Variants in FAM114A2 observed in about 807,000 individuals in gnomAD.
The protein encoded by FAM114A2 is family with sequence similarity 114 member A2.
A neutral mutation model predicts 58.4 loss-of-function variants in FAM114A2; 53 were observed. That is an observed-to-expected ratio of 0.91 (90% CI 0.73 to 1.14). FAM114A2 has a LOEUF of 1.14. FAM114A2 is among the 50% of genes most tolerant of loss of function. The pLI, the probability that FAM114A2 is intolerant of heterozygous loss-of-function variation, is 0.00. For synonymous variants in FAM114A2, 228 were observed against 211.4 expected, an observed-to-expected ratio of 1.08 and a Z score of -0.68; for missense variants, 601 against 581.1, an observed-to-expected ratio of 1.03 and a Z score of -0.35.
chr5:154,011,101 G>A, intron 9 of FAM114A2, 140 bp downstream of exon 9: 2 of 625,538 alleles, frequency 3.2e-6, no homozygotes. Context: ...GCAAGTAGAT[G>A]CAGAACCCAA....
intron 11 of FAM114A2, among the ~76,000 whole-genome samples, chr5:154,001,425 G>A (rs1157895933): frequency 1.3e-5 from 2 of 152,142 alleles, no homozygotes; most frequent in African/African-American, 4.8e-5. Context: ...CTTTTCCGCA[G>A]AACAGGCTCC....
intron 12 of FAM114A2, among the ~76,000 whole-genome samples, chr5:153,996,605 A>C (rs532477658): frequency 3.3e-5 from 5 of 152,184 alleles, no homozygotes; most frequent in African/African-American, 1.2e-4. Flanking sequence ...AAGTAATAAT[A>C]AAAACACAAA....
At chr5:154,004,284 T>C (rs1420467726) in intron 9 of FAM114A2, among the ~76,000 whole-genome samples, 1 of 152,222 alleles carries the variant, frequency 6.6e-6, no homozygotes, top group African/African-American at 2.4e-5. Flanking sequence ...TGACCATTTC[T>C]CCTCAGTATC....
chr5:153,993,108 T>A lies in FAM114A2; in HGVS notation c.1386A>T (p.Ala462=). 2 of 1,605,416 alleles carry A rather than the reference T, an allele frequency of 1.2e-6. No homozygotes were observed. Among genetic ancestry groups the A allele is most frequent in the Non-Finnish European group, 8.5e-7 (1 of 1,176,138 alleles). ...CCTGGATGTAGGAGGCACTGTTTGA[T>A]GCCTGCCAGGATTGAAAAAACAAGA... is the stretch of plus-strand genomic sequence containing the variant. ...NPLITAVFLE[A]SNSASYIQDA... is the part of the protein sequence containing the mutation. The change falls in exon 14 of 14, where the codon GCA becomes GCT. Residue 462 remains alanine, a splice_region_variant and synonymous_variant. Coordinates refer to ENST00000351797, the MANE Select transcript of FAM114A2 (RefSeq NM_018691.4).
rs1772030944 is a variant in FAM114A2, at chr5:154,029,486, T to C, written c.495+3A>G. 3 of 1,558,526 alleles carry C rather than the reference T, an allele frequency of 1.9e-6. No homozygotes were observed. Among genetic ancestry groups the C allele is most frequent in the Non-Finnish European group, 2.7e-6 (3 of 1,130,796 alleles). On this transcript the variant is annotated splice_donor_region_variant and intron_variant, in intron 5 of 13. Transcript: ENST00000351797. ...ACAGACCACCTTGCACTTTTTTACTTACTGTGCTCTGAACAGCAGTAGAGA... is the reference window on the plus strand; with the variant it reads ...ACAGACCACCTTGCACTTTTTTACTCACTGTGCTCTGAACAGCAGTAGAGA...
chr5:154,025,945 A>G (rs1321914726), intron 8 of FAM114A2, among the ~76,000 whole-genome samples: 1 of 152,182 alleles, frequency 6.6e-6, no homozygotes, highest in Non-Finnish European at 1.5e-5. Flanking sequence ...AAAAAGACAA[A>G]CTATCACCCA....
rs1190296307 is a variant in FAM114A2 at position 153,991,536 on chromosome 5, A to C, written c.*1440T>G. 6.6e-6 allele frequency: 1 copy of C among 152,248 alleles called. No individual in the cohort carries two copies. The highest frequency in any genetic ancestry group is 6.5e-5 in the Admixed American group (1 of 15,286). 9.4% of individuals were successfully genotyped at this position (152,248 alleles called of 1,614,324 possible). On this transcript the variant is annotated 3_prime_UTR_variant, in exon 14 of 14. Transcript: ENST00000351797. Reference sequence around the variant, plus strand: ...TATTCAAAAACTTTCTGATCATATTAAGACAGAATATAGGCAGAGTAACAT... The same window carrying C: ...TATTCAAAAACTTTCTGATCATATTCAGACAGAATATAGGCAGAGTAACAT...
chr5:154,038,799 G>GC (rs1772792389), intron 1 of FAM114A2, 58 bp downstream of exon 1: 1 of 152,546 alleles, frequency 6.6e-6, no homozygotes, highest in Non-Finnish European at 1.5e-5. Context: ...GACTTCGGCT[G>GC]CCCGGGCCCT....
At chr5:154,013,555 G>GA (rs532850079) in intron 8 of FAM114A2, among the ~76,000 whole-genome samples, 81 of 152,170 alleles carry the variant, frequency 5.3e-4, no homozygotes, top group African/African-American at 1.6e-3. Context: ...ACAAGTAGGA[G>GA]AAAAAAATAT....
At chr5:153,999,506 C>A (rs796292365) in intron 11 of FAM114A2, among the ~76,000 whole-genome samples, 25 of 151,866 alleles carry the variant, frequency 1.6e-4, no homozygotes, top group African/African-American at 5.6e-4. Flanking sequence ...ATGGTGTGCA[C>A]GCTTGTAATC....
chr5:154,033,882 T>C lies in FAM114A2; in HGVS notation c.312A>G (p.Gly104=), dbSNP rs1351229646. 1 of 1,589,026 alleles carries C rather than the reference T, an allele frequency of 6.3e-7. No homozygotes were observed. Among genetic ancestry groups the C allele is most frequent in the African/African-American group, 1.3e-5 (1 of 74,122 alleles). ...TCTCGATGACATTTGAAATGCCTTG[T>C]CCTAATGAGAAAAATAACTTTTTTT... is the stretch of plus-strand genomic sequence containing the variant. ...SSASATVATV[G]QGISNVIEKA... is the part of the protein sequence containing the mutation. The change falls in exon 4 of 14, where the codon GGA becomes GGG. Residue 104 remains glycine (G), a splice_region_variant and synonymous_variant. Transcript: ENST00000351797.
intron 8 of FAM114A2, among the ~76,000 whole-genome samples, chr5:154,015,599 C>T (rs956086742): frequency 3.9e-5 from 6 of 152,104 alleles, no homozygotes; most frequent in African/African-American, 1.2e-4. Context: ...GGAAATACCC[C>T]ATGGGACAAA....
chr5:154,034,661 T>A, intron 2 of FAM114A2, 83 bp downstream of exon 2: 1 of 994,570 alleles, frequency 1.0e-6, no homozygotes, highest in Non-Finnish European at 1.6e-6. Flanking sequence ...AAATTGGTAT[T>A]TATGCCAAAT....
At chr5:153,995,162 T>G in intron 12 of FAM114A2, 190 bp from the exon 13 acceptor site, 1 of 549,748 alleles carries the variant, frequency 1.8e-6, no homozygotes, top group Non-Finnish European at 3.3e-6. Flanking sequence ...TTTCTTAATA[T>G]CTTTCTGTGC....
intron 8 of FAM114A2, among the ~76,000 whole-genome samples, chr5:154,017,212 G>A (rs995075615): frequency 7.2e-5 from 11 of 152,204 alleles, no homozygotes; most frequent in African/African-American, 1.2e-4. Context: ...GGAGGCCGAG[G>A]CAGGTGTATC....
At chr5:154,022,585 G>A (rs1380465060) in intron 8 of FAM114A2, among the ~76,000 whole-genome samples, 1 of 152,198 alleles carries the variant, frequency 6.6e-6, no homozygotes, top group Non-Finnish European at 1.5e-5. Flanking sequence ...ACCACAATGA[G>A]ATACCATCTT....
chr5:154,021,686 G>T (rs1025898110), intron 8 of FAM114A2, among the ~76,000 whole-genome samples: 2 of 152,102 alleles, frequency 1.3e-5, no homozygotes, highest in East Asian at 1.9e-4. Context: ...TGCTCATAGA[G>T]AGGAAGAATC....
At chr5:154,025,762 AAAC>A (rs1326367112) in intron 8 of FAM114A2, among the ~76,000 whole-genome samples, 2 of 152,190 alleles carry the variant, frequency 1.3e-5, no homozygotes. Context: ...AATGTCAATA[AAAC>A]AACCCTTAGA....
intron 9 of FAM114A2, among the ~76,000 whole-genome samples, chr5:154,003,713 T>C (rs2113249303): frequency 6.6e-6 from 1 of 152,326 alleles, no homozygotes; most frequent in East Asian, 1.9e-4. Context: ...ATAAATAATT[T>C]TTCCTAATCT....
Sources: allele counts gnomAD v4.1 joint callset (sites outside exome capture counted in the v4.1 genomes callset), GRCh38; gene constraint gnomAD v4.1.1; transcripts MANE v1.5; gene names NCBI Gene and HGNC (gene_info 2026-07-23, HGNC 2026-07-21).